The following ADAMTSL1 variants were observed in gnomAD, a reference collection of about 807,000 sequenced individuals.
The protein encoded by ADAMTSL1 is ADAMTS like 1, also known as ADAMTS-like protein 1.
In ADAMTSL1, 126 loss-of-function variants were observed where a neutral mutation model predicts 201.8. That is an observed-to-expected ratio of 0.62 (90% CI 0.54 to 0.72). The LOEUF is 0.72. ADAMTSL1 is among the 30% of genes least tolerant of loss of function. ADAMTSL1 has a pLI of 0.00. For missense variants in ADAMTSL1, 2,679 were observed against 2,277.8 expected (o/e 1.18, Z -3.59); for synonymous variants, 1,121 against 903.4 (o/e 1.24, Z -4.32).
At chr9:18,314,924 G>A (rs1183783039) in intron 2 of ADAMTSL1, among the ~76,000 whole-genome samples, 1 of 147,714 alleles carries the variant, frequency 6.8e-6, no homozygotes, top group African/African-American at 2.5e-5. Flanking sequence ...AGCCTCCCGA[G>A]TAGCTGGGAC....
chr9:18,861,412 G>T (rs1827208999), intron 23 of ADAMTSL1, among the ~76,000 whole-genome samples: 1 of 152,176 alleles, frequency 6.6e-6, no homozygotes, highest in African/African-American at 2.4e-5. Context: ...ATCTCGGAAA[G>T]GTCAGAATTG....
At chr9:18,316,769 A>G (rs1201252211) in intron 2 of ADAMTSL1, among the ~76,000 whole-genome samples, 1 of 152,190 alleles carries the variant, frequency 6.6e-6, no homozygotes, top group African/African-American at 2.4e-5. Context: ...AAAGACAGGC[A>G]TAGGAAATCA....
intron 13 of ADAMTSL1, among the ~76,000 whole-genome samples, chr9:18,696,896 T>TATTATTATTATTA (rs1564159146): frequency 4.8e-5 from 7 of 146,170 alleles, no homozygotes; most frequent in African/African-American, 7.4e-5. Context: ...TTATTATTAT[T>TATTATTATTATTA]TTGAGATGGA....
At chr9:18,324,159 G>A (rs1431833408) in intron 2 of ADAMTSL1, among the ~76,000 whole-genome samples, 1 of 152,122 alleles carries the variant, frequency 6.6e-6, no homozygotes, top group Non-Finnish European at 1.5e-5. Flanking sequence ...CAGAAATATA[G>A]CCATATGTAT....
At chr9:18,674,481 C>T (rs1830021795) in intron 9 of ADAMTSL1, among the ~76,000 whole-genome samples, 1 of 151,940 alleles carries the variant, frequency 6.6e-6, no homozygotes, top group African/African-American at 2.4e-5. Flanking sequence ...CTCTCTCCTT[C>T]TTACCTTTCA....
chr9:18,790,748 AAAAC>A (rs1418411119), intron 19 of ADAMTSL1, among the ~76,000 whole-genome samples: 1 of 152,226 alleles, frequency 6.6e-6, no homozygotes, highest in Non-Finnish European at 1.5e-5. Flanking sequence ...GGCCCCCAGA[AAAAC>A]AAAACCGCTC....
chr9:18,018,638 G>A (rs959638872), intron 1 of ADAMTSL1, among the ~76,000 whole-genome samples: 1 of 151,950 alleles, frequency 6.6e-6, no homozygotes, highest in Non-Finnish European at 1.5e-5. Flanking sequence ...AACCCCATAT[G>A]CAAACCCCAT....
intron 1 of ADAMTSL1, among the ~76,000 whole-genome samples, chr9:18,160,440 A>G (rs1827332816): frequency 6.6e-6 from 1 of 152,006 alleles, no homozygotes; most frequent in African/African-American, 2.4e-5. Context: ...AGCCATACAT[A>G]CAATTTCTCC....
chr9:18,847,070 C>G (rs559011731), intron 23 of ADAMTSL1, among the ~76,000 whole-genome samples: 1 of 152,230 alleles, frequency 6.6e-6, no homozygotes, highest in Non-Finnish European at 1.5e-5. Context: ...TCCTTAACAT[C>G]TACCTGCTCA....
At chr9:17,931,634 G>T (rs1225975946) in intron 1 of ADAMTSL1, among the ~76,000 whole-genome samples, 4 of 152,106 alleles carry the variant, frequency 2.6e-5, no homozygotes, top group African/African-American at 9.7e-5. Flanking sequence ...ATAAGGTGCA[G>T]TCTCAGATCA....
At chr9:18,177,467 T>G (rs1309405169) in intron 2 of ADAMTSL1, among the ~76,000 whole-genome samples, 2 of 152,212 alleles carry the variant, frequency 1.3e-5, no homozygotes, top group African/African-American at 4.8e-5. Flanking sequence ...GACAGTGGCG[T>G]GAAAATAGAC....
chr9:18,316,980 G>A (rs1320309168), intron 2 of ADAMTSL1, among the ~76,000 whole-genome samples: 1 of 152,146 alleles, frequency 6.6e-6, no homozygotes. Flanking sequence ...AATGACCTAA[G>A]TGTCCATGGA....
chr9:17,968,675 A>G (rs1249401913), intron 1 of ADAMTSL1, among the ~76,000 whole-genome samples: 4 of 152,140 alleles, frequency 2.6e-5, no homozygotes, highest in African/African-American at 4.8e-5. Context: ...CAGGTCTTAC[A>G]GAATTTAGTG....
intron 26 of ADAMTSL1, among the ~76,000 whole-genome samples, chr9:18,902,381 G>A (rs564768786): frequency 1.3e-5 from 2 of 152,134 alleles, no homozygotes; most frequent in Admixed American, 1.3e-4. Flanking sequence ...TCTTAATACA[G>A]TTCATAAGAA....
chr9:18,099,366 T>A (rs1418156801), intron 1 of ADAMTSL1, among the ~76,000 whole-genome samples: 52 of 121,072 alleles, frequency 4.3e-4, no homozygotes, highest in African/African-American at 1.8e-3. Context: ...TTTTTTTTTT[T>A]TTTTTTAACA....
At chr9:18,144,211 CTTT>C in intron 1 of ADAMTSL1, among the ~76,000 whole-genome samples, 1 of 151,074 alleles carries the variant, frequency 6.6e-6, no homozygotes, top group South Asian at 2.1e-4. Flanking sequence ...TTCTTTCTTT[CTTT>C]CTTTCTTTTT....
In ADAMTSL1 at chr9:17,954,561, A is replaced by C. The variant is rs549003979; in HGVS notation, c.87+47639A>C. 5.0e-4 allele frequency among the ~76,000 whole-genome samples: 76 copies of C among 152,314 alleles called. 2 individuals carry two copies. In the South Asian group the frequency reaches 0.015, roughly 31 times the overall value. ...AATGGGAAAAGCAGCTCCCAAACTTAGTTACTGATAAAAAGCTCAAGGGGT... is the reference window on the plus strand; with the variant it reads ...AATGGGAAAAGCAGCTCCCAAACTTCGTTACTGATAAAAAGCTCAAGGGGT... On this transcript the variant is annotated intron_variant, in intron 1 of 29. Coordinates refer to the ADAMTSL1 transcript ENST00000680146.
At chr9:18,155,333 G>A (rs1376944594) in intron 1 of ADAMTSL1, among the ~76,000 whole-genome samples, 4 of 152,030 alleles carry the variant, frequency 2.6e-5, no homozygotes, top group Admixed American at 2.0e-4. Flanking sequence ...TTTAGTGCTA[G>A]GATGAAGAGG....
intron 1 of ADAMTSL1, among the ~76,000 whole-genome samples, chr9:17,961,653 G>C (rs1485554900): frequency 6.6e-6 from 1 of 152,206 alleles, no homozygotes; most frequent in Non-Finnish European, 1.5e-5. Flanking sequence ...TCAGTTTGCT[G>C]ATTTGATTTC....
Sources: gnomAD v4.1 joint callset for allele counts (sites outside exome capture counted in the v4.1 genomes callset) on GRCh38, gnomAD v4.1.1 for gene constraint, MANE v1.5 for transcripts, NCBI Gene and HGNC (gene_info 2026-07-23, HGNC 2026-07-21) for gene names.